NSD1: variants seen among roughly 807,000 people sequenced by gnomAD.
NSD1 encodes the protein nuclear receptor binding SET domain protein 1, also known as histone-lysine N-methyltransferase, H3 lysine-36 specific.
A neutral mutation model predicts 242.7 loss-of-function variants in NSD1; 26 were observed. The observed-to-expected ratio is 0.11, with a 90% CI of 0.08 to 0.15. The LOEUF (loss-of-function observed/expected upper bound fraction) is 0.15. Among genes scored for constraint, NSD1 ranks in the 10% least tolerant of loss-of-function variants. NSD1 has a pLI of 1.00. For synonymous variants in NSD1, 1,106 were observed against 1,178.1 expected, an observed-to-expected ratio of 0.94 and a Z score of 1.25; for missense variants, 2,495 against 3,272.8, an observed-to-expected ratio of 0.76 and a Z score of 5.80.
intron 3 of NSD1, among the ~76,000 whole-genome samples, chr5:177,201,242 C>T (rs1762489218): frequency 6.6e-6 from 1 of 150,424 alleles, no homozygotes; most frequent in Non-Finnish European, 1.5e-5. Context: ...CAGAGTCTTG[C>T]TCTGTCTCCC....
chr5:177,280,436 A>G (rs1254147007), intron 17 of NSD1, 129 bp from the exon 18 acceptor site: 1 of 986,780 alleles, frequency 1.0e-6, no homozygotes, highest in Non-Finnish European at 1.6e-6. Context: ...ATATGAAACT[A>G]AGTGTTGATA....
rs1760209492 is a variant in NSD1 at position 177,295,633 on chromosome 5, G to A, written c.*174G>A. The A allele has an allele frequency of 2.7e-6, 2 of 740,610 alleles. No homozygotes were observed. Among genetic ancestry groups the A allele is most frequent in the Admixed American group, 4.4e-5 (2 of 45,774 alleles). 45.9% of individuals were successfully genotyped at this position (740,610 alleles called of 1,614,324 possible). On this transcript the variant is annotated 3_prime_UTR_variant, in exon 23 of 23. Transcript: ENST00000439151. The surrounding 1 kb of genome is among the most constrained non-coding windows in gnomAD (Gnocchi z 4.3). ...AACTCTTGTGACATTAGCCAGTGGGGGCTTATGGTTGTGTGAACCATGTAT... is the reference window on the plus strand; with the variant it reads ...AACTCTTGTGACATTAGCCAGTGGGAGCTTATGGTTGTGTGAACCATGTAT...
intron 5 of NSD1, among the ~76,000 whole-genome samples, chr5:177,229,356 A>G (rs769665170): frequency 2.6e-5 from 4 of 152,192 alleles, no homozygotes; most frequent in Non-Finnish European, 4.4e-5. Flanking sequence ...GTTGTGTGGT[A>G]GGAATTAGGG....
At chr5:177,173,018 G>C (rs556952061) in intron 2 of NSD1, among the ~76,000 whole-genome samples, 1 of 149,728 alleles carries the variant, frequency 6.7e-6, no homozygotes, top group Non-Finnish European at 1.5e-5. Context: ...AAATTAAGCC[G>C]GGCGCGGTGG....
chr5:177,165,442 G>A (rs968744296), intron 2 of NSD1, among the ~76,000 whole-genome samples: 3 of 152,172 alleles, frequency 2.0e-5, no homozygotes, highest in South Asian at 2.1e-4. Flanking sequence ...ATGAGCCACC[G>A]TGCCTGTCCC....
rs1581575307 is a variant in NSD1, at chr5:177,299,027, C to T, written c.*3568C>T. On this transcript the variant is annotated 3_prime_UTR_variant, in exon 23 of 23. Transcript: ENST00000439151. ...TCATTTGAGCAGTTCCATGTGTAGACATTCCAAGTCACTGCTTGGTAGTTG... is the reference window on the plus strand; with the variant it reads ...TCATTTGAGCAGTTCCATGTGTAGATATTCCAAGTCACTGCTTGGTAGTTG... 4.3e-6 allele frequency: 1 copy of T among 233,148 alleles called. No individual in the cohort carries two copies. The highest frequency in any genetic ancestry group is 2.2e-5 in the African/African-American group (1 of 45,458). The allele number at this position is 233,148 out of a possible 1,614,324, so 14.4% of individuals were successfully genotyped here. A position where few individuals can be genotyped will look rare whatever the true frequency, so the allele number is the denominator to read the frequency against.
At chr5:177,276,190 C>T (rs1465669037) in intron 17 of NSD1, among the ~76,000 whole-genome samples, 3 of 151,984 alleles carry the variant, frequency 2.0e-5, no homozygotes, top group Non-Finnish European at 4.4e-5. Flanking sequence ...CTCAACCTCC[C>T]AAAGAACTGG....
At position 177,161,807 on chromosome 5, in the gene NSD1, C is replaced by T. The variant is rs1163542589; in HGVS notation, c.927+25777C>T. ...GATTCTCCTCCTCTAGCCTCCTCCA[C>T]GCCTGGCTAATATTTGTATTTTTAG... On this transcript the variant is annotated intron_variant, in intron 2 of 22. Coordinates refer to ENST00000439151, the MANE Select transcript of NSD1 (RefSeq NM_022455.5). Among the ~76,000 whole-genome samples, 6 of 151,514 alleles carry T rather than the reference C, an allele frequency of 4.0e-5. No individual in the cohort carries two copies. The Admixed American group carries it at 4.0e-4, about 10-fold the overall frequency.
chr5:177,294,075 T>C lies in NSD1; in HGVS notation c.6707T>C (p.Leu2236Pro), dbSNP rs774102871. The C allele has an allele frequency of 6.2e-7, 1 of 1,614,110 alleles. No homozygotes were observed. The highest frequency in any genetic ancestry group is 1.1e-5 in the South Asian group (1 of 91,080). The change falls in exon 23 of 23, where the codon CTG becomes CCG. Residue 2236 changes from leucine to proline, a missense_variant. Around this residue, in one of 19 missense-constraint regions of NSD1, gnomAD observed 475 missense variants for 563.7 expected, o/e 0.84. Coordinates refer to ENST00000439151, the MANE Select transcript of NSD1 (RefSeq NM_022455.5). ...VPLPPGPSTHLAEQSTGMAAQ... is the reference protein window; with the variant it reads ...VPLPPGPSTHPAEQSTGMAAQ... ...CTGCCTCCAGGGCCAAGCACTCACC[T>C]GGCAGAGCAATCAACAGGAATGGCT...
Position 177,269,834 on chromosome 5 carries a change from G to A in NSD1, c.5509+27G>A. 1.3e-6 allele frequency: 2 copies of A among 1,584,042 alleles called. No individual in the cohort carries two copies. Among genetic ancestry groups the A allele is most frequent in the South Asian group, 1.1e-5 (1 of 88,584 alleles). On this transcript the variant is annotated intron_variant, in intron 16 of 22. Coordinates refer to ENST00000439151, the MANE Select transcript of NSD1 (RefSeq NM_022455.5). This position sits in a 1 kb window ranked among gnomAD's most constrained non-coding sequence, Gnocchi z 5.1. ...TAACTTTATCCTTTTTGTTTCTCAG[G>A]CAAACACAGACCTCTGTTACCTGAG...
At chr5:177,171,233 G>C (rs927187032) in intron 2 of NSD1, among the ~76,000 whole-genome samples, 5 of 151,932 alleles carry the variant, frequency 3.3e-5, no homozygotes, top group African/African-American at 4.8e-5. Flanking sequence ...CTTGAACCAG[G>C]GGGGCAGAGA....
chr5:177,235,155 A>G (rs997459031), intron 5 of NSD1, among the ~76,000 whole-genome samples: 1 of 152,240 alleles, frequency 6.6e-6, no homozygotes, highest in Admixed American at 6.5e-5. Flanking sequence ...GAATGATGGT[A>G]ATGCCAAACA....
chr5:177,209,909 G>A lies in NSD1; in HGVS notation c.1510G>A (p.Asp504Asn), dbSNP rs780471858. ...CAKSRARKSS[D>N]NPKRTSVKKG... ...TAAATCTCGAGCCAGAAAGAGCTCT[G>A]ATAATCCAAAAAGGACTAGTGTGAA... is the stretch of plus-strand genomic sequence containing the variant. Residue 504 changes from aspartate to asparagine, a missense_variant, in exon 5 of 23, where the codon GAT becomes AAT. Asp to Asn is a conservative substitution (Grantham distance 23, BLOSUM62 1). This residue lies in a region of NSD1 where 515 missense variants were observed against 467.0 expected (regional missense o/e 1.10). Coordinates refer to ENST00000439151, the MANE Select transcript of NSD1 (RefSeq NM_022455.5). 6.2e-7 allele frequency: 1 copy of A among 1,614,098 alleles called. No individual in the cohort carries two copies. Among genetic ancestry groups the A allele is most frequent in the Non-Finnish European group, 8.5e-7 (1 of 1,180,012 alleles).
rs1383863137 is a variant in NSD1, at chr5:177,133,808, T to C, written c.-162T>C. On this transcript the variant is annotated 5_prime_UTR_variant, in exon 1 of 23. Coordinates refer to ENST00000439151, the MANE Select transcript of NSD1 (RefSeq NM_022455.5). This position sits in a 1 kb window ranked among gnomAD's most constrained non-coding sequence, Gnocchi z 6.2. ...CGGAATAGGCCGGGGCAGGTCGCGC[T>C]CGCTGCCTTCTCCCCTGAAGAGAGA... is the stretch of plus-strand genomic sequence containing the variant. The C allele has an allele frequency of 6.8e-6, 1 of 146,148 alleles. No homozygotes were observed. Among genetic ancestry groups the C allele is most frequent in the African/African-American group, 2.5e-5 (1 of 39,442 alleles). The allele number at this position is 146,148 out of a possible 1,614,324, so 9.1% of individuals were successfully genotyped here.
chr5:177,273,317 A>AT (rs1158721737), intron 16 of NSD1, among the ~76,000 whole-genome samples: 1 of 151,162 alleles, frequency 6.6e-6, no homozygotes, highest in African/African-American at 2.4e-5. Context: ...TGAGCTAAAA[A>AT]AAAAAAAAAA....
At position 177,257,199 on chromosome 5, in the gene NSD1, A is replaced by G. The variant is rs755476240; in HGVS notation, c.4966+48A>G. The G allele has an allele frequency of 1.2e-5, 16 of 1,382,176 alleles. No homozygotes were observed. In the Admixed American group the frequency reaches 2.5e-4, roughly 22 times the overall value. The allele number at this position is 1,382,176 out of a possible 1,614,324, so 85.6% of individuals were successfully genotyped here. A position where few individuals can be genotyped will look rare whatever the true frequency, so the allele number is the denominator to read the frequency against. On this transcript the variant is annotated intron_variant, in intron 13 of 22. Transcript: ENST00000439151. The stretch of plus-strand genomic sequence containing the variant: ...AGTCTAATTGTAAAACCTCAGTTTA[A>G]TTGGCAACAGATATTTTCTTTTTTC...
intron 2 of NSD1, chr5:177,136,776 T>A (rs904438939): frequency 2.1e-5 from 12 of 570,846 alleles, no homozygotes; most frequent in South Asian, 4.4e-5. Flanking sequence ...GTATCACCAT[T>A]AGCTCTTGAA....
At chr5:177,260,453 TCTC>T (rs1185262631) in intron 14 of NSD1, among the ~76,000 whole-genome samples, 2 of 151,176 alleles carry the variant, frequency 1.3e-5, no homozygotes, top group East Asian at 3.9e-4. Context: ...TTCAAGCAGT[TCTC>T]CTGCCTCAGC....
chr5:177,252,882 T>C (rs941344067), intron 12 of NSD1, among the ~76,000 whole-genome samples: 2 of 151,660 alleles, frequency 1.3e-5, no homozygotes, highest in African/African-American at 2.4e-5. Context: ...ATAGATCTTA[T>C]GCCTGTAAGT....
Sources: allele counts gnomAD v4.1 joint callset (sites outside exome capture counted in the v4.1 genomes callset), GRCh38; gene constraint gnomAD v4.1.1; regional missense constraint gnomAD v4.1.1; non-coding constraint Gnocchi (gnomAD v3.1); transcripts MANE v1.5; gene names NCBI Gene and HGNC (gene_info 2026-07-23, HGNC 2026-07-21).